CEP57L1: variants seen among roughly 807,000 people sequenced by gnomAD.
The protein encoded by CEP57L1 is centrosomal protein 57 like 1.
A neutral mutation model predicts 61.0 loss-of-function variants in CEP57L1; 37 were observed. That is an observed-to-expected ratio of 0.61 (90% CI 0.47 to 0.80). The LOEUF (loss-of-function observed/expected upper bound fraction) is 0.80, where lower values mean the gene tolerates loss of function less well. Among genes scored for constraint, CEP57L1 ranks in the 30% least tolerant of loss-of-function variants. CEP57L1 has a pLI of 0.00. For synonymous variants in CEP57L1, 137 were observed against 162.3 expected, an observed-to-expected ratio of 0.84 and a Z score of 1.19; for missense variants, 422 against 524.7, an observed-to-expected ratio of 0.80 and a Z score of 1.91.
chr6:109,161,723 A>G (rs1773734413), intron 10 of CEP57L1, among the ~76,000 whole-genome samples: 1 of 152,124 alleles, frequency 6.6e-6, no homozygotes, highest in Admixed American at 6.6e-5. Flanking sequence ...CATTGGAGAA[A>G]CTTGAAAGGA....
chr6:109,113,079 C>A (rs1381097676), intron 1 of CEP57L1, among the ~76,000 whole-genome samples: 9 of 152,040 alleles, frequency 5.9e-5, no homozygotes. Context: ...AATTGTCTAT[C>A]CCGTTGATCT....
At chr6:109,142,948 T>TCG (rs1414687224) in intron 1 of CEP57L1, among the ~76,000 whole-genome samples, 13 of 6,050 alleles carry the variant, frequency 2.1e-3, no homozygotes, top group Non-Finnish European at 3.3e-3. Flanking sequence ...TCTCTCTTGC[T>TCG]CTCTCTCTCT....
At chr6:109,102,222 G>A (rs1770391437) in intron 1 of CEP57L1, among the ~76,000 whole-genome samples, 1 of 151,958 alleles carries the variant, frequency 6.6e-6, no homozygotes, top group African/African-American at 2.4e-5. Context: ...TTTAGAGGCA[G>A]GGTCTCCCTA....
rs1254479584 is a variant in CEP57L1, at chr6:109,170,932, A to G, written c.*7962A>G. Reference sequence around the variant, plus strand: ...GTTAAAAACAAGTTACTTTAAAGATATCTGCTTTTACTTTAATCTAAAAAA... The same window carrying G: ...GTTAAAAACAAGTTACTTTAAAGATGTCTGCTTTTACTTTAATCTAAAAAA... On this transcript the variant is annotated 3_prime_UTR_variant, in exon 11 of 11. Transcript: ENST00000517392. Among the ~76,000 whole-genome samples, 3 of 152,198 alleles carry G rather than the reference A, an allele frequency of 2.0e-5. No individual in the cohort carries two copies. Among genetic ancestry groups the G allele is most frequent in the Non-Finnish European group, 4.4e-5 (3 of 68,030 alleles).
At chr6:109,160,477 T>G in intron 9 of CEP57L1, 95 bp from the exon 10 acceptor site, 1 of 1,011,778 alleles carries the variant, frequency 9.9e-7, no homozygotes. Context: ...TAACTCTGAC[T>G]AAAATTTATG....
rs371965299 is a variant in CEP57L1, at chr6:109,150,150, C to A, written c.373C>A (p.Arg125Ser). The change falls in exon 4 of 11, where the codon CGT becomes AGT. Residue 125 changes from arginine to serine, a missense_variant. Transcript: ENST00000517392. ...ISIQLSSAQS[R>S]CTLLEKQLEY... ...TATACAGTTAAGCTCAGCCCAGTCT[C>A]GTTGTACTCTTCTAGAGAAGCAACT... 6.2e-7 allele frequency: 1 copy of A among 1,608,716 alleles called. No homozygotes were observed. The highest frequency in any genetic ancestry group is 2.2e-5 in the East Asian group (1 of 44,722).
intron 7 of CEP57L1, chr6:109,158,530 A>T (rs1027302513): frequency 1.9e-5 from 8 of 413,426 alleles, no homozygotes; most frequent in Non-Finnish European, 3.8e-5. Flanking sequence ...GTTTTTAGCT[A>T]TTACAAATAA....
In CEP57L1 at chr6:109,170,566, G is replaced by C. The variant is rs1774355565; in HGVS notation, c.*7596G>C. On this transcript the variant is annotated 3_prime_UTR_variant, in exon 11 of 11. Coordinates refer to ENST00000517392, the MANE Select transcript of CEP57L1 (RefSeq NM_001271852.3). ...CAATTGTCCAGAATCTTGCTGAATTGGAAAGTATTTCACTCTTCATCACTG... is the reference window on the plus strand; with the variant it reads ...CAATTGTCCAGAATCTTGCTGAATTCGAAAGTATTTCACTCTTCATCACTG... 6.6e-6 allele frequency among the ~76,000 whole-genome samples: 1 copy of C among 152,058 alleles called. No individual in the cohort carries two copies. Among genetic ancestry groups the C allele is most frequent in the Admixed American group, 6.6e-5 (1 of 15,264 alleles).
intron 1 of CEP57L1, among the ~76,000 whole-genome samples, 179 bp downstream of exon 1, chr6:109,095,754 G>T (rs1448758134): frequency 6.6e-6 from 1 of 152,162 alleles, no homozygotes. Context: ...TGGTGGGTGA[G>T]GCAAGGATTT....
At chr6:109,116,665 G>T (rs1460577786) in intron 1 of CEP57L1, among the ~76,000 whole-genome samples, 1 of 152,120 alleles carries the variant, frequency 6.6e-6, no homozygotes, top group East Asian at 1.9e-4. Flanking sequence ...ATAATCTCAA[G>T]ACATGGTGAG....
chr6:109,095,384 A>C (rs567969352), upstream of CEP57L1: 2 of 985,782 alleles, frequency 2.0e-6, no homozygotes, highest in East Asian at 2.3e-4. Flanking sequence ...CGGCCTCTTC[A>C]TTACTCCAAA....
intron 1 of CEP57L1, among the ~76,000 whole-genome samples, chr6:109,126,131 G>T (rs1002412708): frequency 2.6e-5 from 4 of 152,170 alleles, no homozygotes; most frequent in African/African-American, 9.7e-5. Flanking sequence ...AGGCCCTGAA[G>T]ATATGTATGC....
Position 109,173,711 on chromosome 6 carries a change from T to C in CEP57L1, c.*10741T>C, listed in dbSNP as rs2115000158. Among the ~76,000 whole-genome samples the C allele has an allele frequency of 6.6e-6, 1 of 151,882 alleles. No homozygotes were observed. The highest frequency in any genetic ancestry group is 1.5e-5 in the Non-Finnish European group (1 of 67,934). On this transcript the variant is annotated 3_prime_UTR_variant, in exon 11 of 11. Coordinates refer to ENST00000517392, the MANE Select transcript of CEP57L1 (RefSeq NM_001271852.3). ...CCTCAGCCTCCCAAAGCTCTGGGAT[T>C]ACAGGCATGAGCCACTGTGCCCGGC...
intron 1 of CEP57L1, among the ~76,000 whole-genome samples, chr6:109,099,261 A>C (rs1012243554): frequency 2.0e-5 from 3 of 152,094 alleles, no homozygotes; most frequent in African/African-American, 7.2e-5. Flanking sequence ...TATTCTATGG[A>C]GTTTGGGTGG....
rs1727422120 is a variant in CEP57L1, at chr6:109,163,211, A to G, written c.*241A>G. The G allele has an allele frequency of 2.3e-5, 8 of 350,838 alleles. 1 individual carries two copies. In the South Asian group the frequency reaches 3.1e-4, roughly 13 times the overall value. The allele number at this position is 350,838 out of a possible 1,614,324, so 21.7% of individuals were successfully genotyped here. A position where few individuals can be genotyped will look rare whatever the true frequency, so the allele number is the denominator to read the frequency against. ...CGTAACCTCATCTTGTCTTAGAAACATTGTTGGCTTTGCAGATATCTTAAG... is the reference window on the plus strand; with the variant it reads ...CGTAACCTCATCTTGTCTTAGAAACGTTGTTGGCTTTGCAGATATCTTAAG... On this transcript the variant is annotated 3_prime_UTR_variant, in exon 11 of 11. Coordinates refer to ENST00000517392, the MANE Select transcript of CEP57L1 (RefSeq NM_001271852.3).
In CEP57L1 at chr6:109,162,843, T is replaced by TA. The variant is rs1366282464; in HGVS notation, c.1262dup (p.Asn421LysfsTer2). The TA allele has an allele frequency of 6.2e-7, 1 of 1,613,084 alleles. No individual in the cohort carries two copies. The highest frequency in any genetic ancestry group is 1.3e-5 in the African/African-American group (1 of 74,846). On this transcript the variant is annotated frameshift_variant, in exon 11 of 11. Transcript: ENST00000517392. LOFTEE classifies it high-confidence loss of function. ...AGCTACCCTAAAGGATCAAAGAACA[T>TA]AAAAAATAGCCCCAGAAAATGTTTG...
rs898800334 is a variant in CEP57L1, at chr6:109,173,610, T to A, written c.*10640T>A. Among the ~76,000 whole-genome samples, 13 of 148,902 alleles carry A rather than the reference T, an allele frequency of 8.7e-5. No individual in the cohort carries two copies. The highest frequency in any genetic ancestry group is 5.4e-4 in the Admixed American group (8 of 14,828). ...TGGCTAATTAAAAAAAAAAAAAAAT[T>A]TTTTTTTTTGAGGAGACGCGGTCTC... On this transcript the variant is annotated 3_prime_UTR_variant, in exon 11 of 11. Coordinates refer to ENST00000517392, the MANE Select transcript of CEP57L1 (RefSeq NM_001271852.3).
intron 1 of CEP57L1, among the ~76,000 whole-genome samples, chr6:109,133,393 C>A (rs985895587): frequency 3.9e-5 from 6 of 152,126 alleles, no homozygotes; most frequent in African/African-American, 1.4e-4. Context: ...TCTAATGCAG[C>A]CCTGATCTGA....
chr6:109,146,698 TTTGA>T, intron 2 of CEP57L1, 56 bp from the exon 3 acceptor site: 2 of 1,135,958 alleles, frequency 1.8e-6, no homozygotes, highest in Admixed American at 3.3e-5. Flanking sequence ...CTTATGTTAC[TTTGA>T]TTGTAAGTGT....
Sources: gnomAD v4.1 joint callset for allele counts (sites outside exome capture counted in the v4.1 genomes callset) on GRCh38, gnomAD v4.1.1 for gene constraint, MANE v1.5 for transcripts, NCBI Gene and HGNC (gene_info 2026-07-23, HGNC 2026-07-21) for gene names.